The following CASD1 variants were observed in gnomAD, a reference collection of about 807,000 sequenced individuals.
The protein encoded by CASD1 is CAS1 domain sialic acid O acetyltransferase 1, also known as N-acetylneuraminate (7)9-O-acetyltransferase.
In CASD1, 41 loss-of-function variants were observed where a neutral mutation model predicts 100.0. The observed-to-expected ratio is 0.41, with a 90% CI of 0.32 to 0.53. CASD1 has a LOEUF of 0.53. Among genes scored for constraint, CASD1 ranks in the 20% least tolerant of loss-of-function variants. The probability of loss-of-function intolerance (pLI) is 0.25; values close to 1 mark genes in which losing one functional copy is unlikely to be tolerated. For missense variants in CASD1, 774 were observed against 948.7 expected (o/e 0.82, Z 2.42); for synonymous variants, 321 against 315.6 (o/e 1.02, Z -0.18).
chr7:94,533,414 T>A (rs1485387321), intron 6 of CASD1, among the ~76,000 whole-genome samples, 165 bp downstream of exon 6: 1 of 152,188 alleles, frequency 6.6e-6, no homozygotes, highest in African/African-American at 2.4e-5. Context: ...TGGAATTAAC[T>A]TAGGAAACTT....
rs543124789 is a variant in CASD1, at chr7:94,553,282, C to CT, written c.2034+856dup. Reference sequence around the variant, plus strand: ...GAACCTTTCAAAGTAAAGCTTATCTCTATTTGTTTAAATTAAAAAAAAGAC... The same window carrying CT: ...GAACCTTTCAAAGTAAAGCTTATCTCTTATTTGTTTAAATTAAAAAAAAGAC... On this transcript the variant is annotated intron_variant, in intron 16 of 17. Transcript: ENST00000297273. 5 of 170,480 alleles carry CT rather than the reference C, an allele frequency of 2.9e-5. No individual in the cohort carries two copies. The South Asian group carries it at 6.4e-4, about 22-fold the overall frequency. The allele number at this position is 170,480 out of a possible 1,614,324, so 10.6% of individuals were successfully genotyped here.
the CASD1 span, chr7:94,622,017 AG>A: frequency 1.2e-4 from 18 of 145,310 alleles, no homozygotes; most frequent in East Asian, 3.5e-3. Flanking sequence ...CATTCACTTA[AG>A]GGGGTTTAAG....
the CASD1 span, chr7:94,619,116 A>G: frequency 1.6e-6 from 1 of 635,962 alleles, no homozygotes; most frequent in Non-Finnish European, 2.8e-6. Flanking sequence ...CAGAGGATGT[A>G]TCTAAAAACA....
At chr7:94,585,242 ATTTAT>A in the CASD1 span, 43 of 433,056 alleles carry the variant, frequency 9.9e-5, no homozygotes, top group South Asian at 1.6e-3. Flanking sequence ...CATTAATAAT[ATTTAT>A]TTTAAAGATC....
intron 1 of CASD1, among the ~76,000 whole-genome samples, chr7:94,516,843 T>G (rs1794000843): frequency 6.6e-6 from 1 of 152,032 alleles, no homozygotes; most frequent in South Asian, 2.1e-4. Context: ...TGATGCACTG[T>G]GTATTATAGT....
chr7:94,532,333 G>T (rs148142656), intron 5 of CASD1, among the ~76,000 whole-genome samples: 5 of 152,090 alleles, frequency 3.3e-5, no homozygotes, highest in African/African-American at 9.6e-5. Context: ...CACTATTTTT[G>T]AGCTTTGGGG....
At chr7:94,522,863 G>T (rs561777175) in intron 3 of CASD1, among the ~76,000 whole-genome samples, 1 of 151,962 alleles carries the variant, frequency 6.6e-6, no homozygotes, top group Non-Finnish European at 1.5e-5. Flanking sequence ...GGGTTTCACC[G>T]TGTTAGCCAG....
At chr7:94,570,634 A>G in the CASD1 span, among the ~76,000 whole-genome samples, 1 of 152,224 alleles carries the variant, frequency 6.6e-6, no homozygotes, top group African/African-American at 2.4e-5. Context: ...AGCTGGGACT[A>G]CAGACGTGCA....
intron 1 of CASD1, among the ~76,000 whole-genome samples, chr7:94,515,057 A>G (rs1434687198): frequency 2.0e-5 from 3 of 152,114 alleles, no homozygotes; most frequent in African/African-American, 7.2e-5. Flanking sequence ...TTATAATAGT[A>G]GTAGTAATTT....
At position 94,545,626 on chromosome 7, in the gene CASD1, TTGGTCACTGTATGGTTCA is replaced by T. The variant is rs1795639768; in HGVS notation, c.1565_1582del (p.Thr522_Val527del). The T allele has an allele frequency of 6.2e-7, 1 of 1,611,246 alleles. No individual in the cohort carries two copies. Among genetic ancestry groups the T allele is most frequent in the Non-Finnish European group, 8.5e-7 (1 of 1,177,878 alleles). On this transcript the variant is annotated inframe_deletion, in exon 12 of 18. Coordinates refer to ENST00000297273, the MANE Select transcript of CASD1 (RefSeq NM_022900.5). ...TTATCAATTCTATTACTTTGTCCCC[TTGGTCACTGTATGGTTCA>T]TGGTCATATATGTTACTTTAGCACT...
At position 94,552,415 on chromosome 7, in the gene CASD1, T is replaced by C; in HGVS notation, c.2022T>C (p.Val674=). 2 of 1,609,204 alleles carry C rather than the reference T, an allele frequency of 1.2e-6. No individual in the cohort carries two copies. The highest frequency in any genetic ancestry group is 1.7e-6 in the Non-Finnish European group (2 of 1,178,056). ...AGTGCAATGAACTCCATCCGTCTGT[T>C]TCTGTGGTACAGGTACTATCTTGAT... The part of the protein sequence containing the change: ...KAECNELHPS[V]SVVQILAFIL... Residue 674 remains valine (V), a synonymous_variant, in exon 16 of 18, where the codon GTT becomes GTC. Coordinates refer to ENST00000297273, the MANE Select transcript of CASD1 (RefSeq NM_022900.5).
the CASD1 span, among the ~76,000 whole-genome samples, chr7:94,595,556 T>C: frequency 0.059 from 8,953 of 152,244 alleles, 347 homozygotes; most frequent in Middle Eastern, 0.12. Flanking sequence ...TATCCAAGCA[T>C]ATACCTGGTT....
the CASD1 span, among the ~76,000 whole-genome samples, chr7:94,607,321 A>C: frequency 6.6e-6 from 1 of 152,170 alleles, no homozygotes; most frequent in Non-Finnish European, 1.5e-5. Flanking sequence ...TTACCTTAAT[A>C]CCAAAACCAG....
chr7:94,528,146 G>T, intron 4 of CASD1, 42 bp from the exon 5 acceptor site: 2 of 1,348,246 alleles, frequency 1.5e-6, no homozygotes, highest in Non-Finnish European at 2.1e-6. Context: ...GGAATTAAGA[G>T]TTTCTTCAAC....
the CASD1 span, among the ~76,000 whole-genome samples, chr7:94,611,149 A>T: frequency 6.6e-6 from 1 of 152,338 alleles, no homozygotes; most frequent in Non-Finnish European, 1.5e-5. Context: ...TCCTAGGGAT[A>T]TACTTCAGAA....
At chr7:94,583,248 G>T in the CASD1 span, among the ~76,000 whole-genome samples, 471 of 152,154 alleles carry the variant, frequency 3.1e-3, 2 homozygotes, top group African/African-American at 0.011. Flanking sequence ...AATTTTTAAT[G>T]CATACTTTGA....
intron 5 of CASD1, among the ~76,000 whole-genome samples, chr7:94,532,240 T>A (rs967160090): frequency 3.3e-5 from 5 of 152,082 alleles, no homozygotes; most frequent in African/African-American, 1.2e-4. Flanking sequence ...TATGATAAAG[T>A]TTAATATATA....
chr7:94,600,145 A>T, the CASD1 span: 1 of 186,554 alleles, frequency 5.4e-6, no homozygotes, highest in Non-Finnish European at 1.1e-5. Flanking sequence ...TGAAGTGAAG[A>T]CTTGTTACTC....
Position 94,528,172 on chromosome 7 carries a change from A to T in CASD1, c.397-16A>T, listed in dbSNP as rs779433776. ...TTTCTTCAACTTTTTCTTTACTTCTAACATTTCTCTTTTAGGATTTTCTGT... is the reference window on the plus strand; with the variant it reads ...TTTCTTCAACTTTTTCTTTACTTCTTACATTTCTCTTTTAGGATTTTCTGT... On this transcript the variant is annotated splice_polypyrimidine_tract_variant and intron_variant, in intron 4 of 17. Transcript: ENST00000297273. 1.3e-6 allele frequency: 2 copies of T among 1,573,746 alleles called. No individual in the cohort carries two copies. Among genetic ancestry groups the T allele is most frequent in the South Asian group, 2.3e-5 (2 of 87,656 alleles).
Sources: allele counts gnomAD v4.1 joint callset (sites outside exome capture counted in the v4.1 genomes callset), GRCh38; gene constraint gnomAD v4.1.1; transcripts MANE v1.5; gene names NCBI Gene and HGNC (gene_info 2026-07-23, HGNC 2026-07-21).